The following PTPRD variants were observed in gnomAD, a reference collection of about 807,000 sequenced individuals.
The protein encoded by PTPRD is protein tyrosine phosphatase receptor type D, also known as receptor-type tyrosine-protein phosphatase delta.
Under a neutral mutation model 214.5 loss-of-function variants are expected in PTPRD, and 34 were observed. That is an observed-to-expected ratio of 0.16 (90% CI 0.12 to 0.21). PTPRD has a LOEUF of 0.21. Among genes scored for constraint, PTPRD ranks in the 10% least tolerant of loss-of-function variants. The pLI, the probability that PTPRD is intolerant of heterozygous loss-of-function variation, is 1.00. For synonymous variants in PTPRD, 1,128 were observed against 845.7 expected, an observed-to-expected ratio of 1.33 and a Z score of -5.79; for missense variants, 2,545 against 2,398.7, an observed-to-expected ratio of 1.06 and a Z score of -1.27.
intron 2 of PTPRD, among the ~76,000 whole-genome samples, chr9:10,600,721 G>C (rs12347942): frequency 0.095 from 14,444 of 151,750 alleles, 972 homozygotes; most frequent in East Asian, 0.21. Context: ...AATATAGTAG[G>C]TGGTTCATCA....
chr9:10,518,880 C>T (rs1331495480), intron 2 of PTPRD, among the ~76,000 whole-genome samples: 1 of 151,862 alleles, frequency 6.6e-6, no homozygotes, highest in Middle Eastern at 3.4e-3. Context: ...TTTTAACAGC[C>T]ATTTCAAAAT....
intron 7 of PTPRD, among the ~76,000 whole-genome samples, chr9:9,617,868 C>T (rs2094978890): frequency 6.6e-6 from 1 of 151,278 alleles, no homozygotes; most frequent in South Asian, 2.1e-4. Context: ...GTCAGGAGAT[C>T]GAGACCATTC....
intron 26 of PTPRD, among the ~76,000 whole-genome samples, chr9:8,496,812 A>C (rs542910557): frequency 1.6e-4 from 25 of 152,364 alleles, no homozygotes; most frequent in African/African-American, 6.0e-4. Flanking sequence ...ACAAACTTGT[A>C]AACTTTCTTA....
At chr9:9,775,293 A>C (rs2098788503) in intron 5 of PTPRD, among the ~76,000 whole-genome samples, 1 of 152,180 alleles carries the variant, frequency 6.6e-6, no homozygotes, top group Non-Finnish European at 1.5e-5. Flanking sequence ...GAGTTAAAAT[A>C]TTTCTCTGAA....
At chr9:9,739,613 T>C (rs951375353) in intron 6 of PTPRD, among the ~76,000 whole-genome samples, 1 of 152,008 alleles carries the variant, frequency 6.6e-6, no homozygotes, top group Non-Finnish European at 1.5e-5. Context: ...TCACTGTCAC[T>C]TTCATCAGTT....
At chr9:10,572,211 A>C (rs1045824241) in intron 2 of PTPRD, among the ~76,000 whole-genome samples, 1 of 152,164 alleles carries the variant, frequency 6.6e-6, no homozygotes, top group East Asian at 1.9e-4. Context: ...TAACTCTTCC[A>C]GGCTTAGGGG....
chr9:9,953,270 C>A (rs1026163007), intron 4 of PTPRD, among the ~76,000 whole-genome samples: 2 of 152,034 alleles, frequency 1.3e-5, no homozygotes, highest in African/African-American at 2.4e-5. Flanking sequence ...TGTGGACAGG[C>A]CTCATCGAAT....
chr9:10,131,127 T>C (rs1055798228), intron 3 of PTPRD, among the ~76,000 whole-genome samples: 16 of 152,140 alleles, frequency 1.1e-4, no homozygotes, highest in Non-Finnish European at 2.9e-5. Flanking sequence ...CTGTGCTTTC[T>C]GGGAGGAATA....
chr9:10,296,935 T>A (rs1326858668), intron 3 of PTPRD, among the ~76,000 whole-genome samples: 1 of 151,842 alleles, frequency 6.6e-6, no homozygotes, highest in African/African-American at 2.4e-5. Flanking sequence ...TAATTAAGGT[T>A]ACAATATTTC....
At chr9:8,767,139 T>C (rs1208593790) in intron 11 of PTPRD, among the ~76,000 whole-genome samples, 1 of 152,060 alleles carries the variant, frequency 6.6e-6, no homozygotes, top group African/African-American at 2.4e-5. Flanking sequence ...TTTTTTGAGA[T>C]GGAGTTTTGC....
At chr9:9,942,440 G>T (rs867165000) in intron 4 of PTPRD, among the ~76,000 whole-genome samples, 2 of 152,096 alleles carry the variant, frequency 1.3e-5, no homozygotes, top group African/African-American at 4.8e-5. Context: ...CTATTAAAGA[G>T]TTTATAATAA....
intron 35 of PTPRD, among the ~76,000 whole-genome samples, chr9:8,405,674 G>T (rs1909757): frequency 0.23 from 35,355 of 151,908 alleles, 4,491 homozygotes; most frequent in Non-Finnish European, 0.28. Flanking sequence ...GTTCATTAAT[G>T]ACACAAACAT....
At chr9:8,475,622 AAAGAAATAATATG>A (rs2096747860) in intron 30 of PTPRD, among the ~76,000 whole-genome samples, 1 of 152,212 alleles carries the variant, frequency 6.6e-6, no homozygotes, top group Admixed American at 6.5e-5. Context: ...GGTTAAAATA[AAAGAAATAATATG>A]CCTTTCAAAA....
intron 4 of PTPRD, among the ~76,000 whole-genome samples, chr9:9,950,135 G>C (rs750713869): frequency 6.6e-5 from 10 of 152,116 alleles, no homozygotes; most frequent in Non-Finnish European, 1.2e-4. Context: ...CTGTCACTGT[G>C]ACAACGACCT....
chr9:9,286,148 C>T (rs372683209), intron 9 of PTPRD, among the ~76,000 whole-genome samples: 15 of 151,942 alleles, frequency 9.9e-5, no homozygotes, highest in African/African-American at 3.6e-4. Context: ...TCCCACTTCA[C>T]ATTTCATTGG....
chr9:9,415,060 C>T (rs574389764), intron 8 of PTPRD, among the ~76,000 whole-genome samples: 5 of 152,228 alleles, frequency 3.3e-5, no homozygotes, highest in East Asian at 1.9e-4. Flanking sequence ...GACCTAATTA[C>T]GTACTTGTTT....
At chr9:9,709,710 C>G (rs2097690430) in intron 7 of PTPRD, among the ~76,000 whole-genome samples, 2 of 151,930 alleles carry the variant, frequency 1.3e-5, no homozygotes, top group Admixed American at 1.3e-4. Context: ...TTAAGCAAAT[C>G]TTAAAGGGGC....
intron 2 of PTPRD, among the ~76,000 whole-genome samples, chr9:10,529,164 C>T (rs1164357757): frequency 6.6e-6 from 1 of 152,036 alleles, no homozygotes; most frequent in East Asian, 1.9e-4. Context: ...AAGAACTCAA[C>T]TATTCTAGGA....
chr9:9,395,064 C>A (rs2067266481), intron 9 of PTPRD, among the ~76,000 whole-genome samples: 1 of 151,888 alleles, frequency 6.6e-6, no homozygotes, highest in Admixed American at 6.6e-5. Flanking sequence ...TGCATTCTAC[C>A]ATGTCTCCAC....
Sources: allele counts gnomAD v4.1 joint callset (sites outside exome capture counted in the v4.1 genomes callset), GRCh38; gene constraint gnomAD v4.1.1; transcripts MANE v1.5; gene names NCBI Gene and HGNC (gene_info 2026-07-23, HGNC 2026-07-21).